The following MRPL48 variants were observed in gnomAD, a reference collection of about 807,000 sequenced individuals.
The protein encoded by MRPL48 is mitochondrial ribosomal protein L48.
Under a neutral mutation model 32.9 loss-of-function variants are expected in MRPL48, and 16 were observed. The observed-to-expected ratio is 0.49, with a 90% CI of 0.33 to 0.74. MRPL48 has a LOEUF of 0.74. MRPL48 is among the 30% of genes least tolerant of loss of function. The pLI is 0.02. For missense variants in MRPL48, 206 were observed against 245.3 expected (o/e 0.84, Z 1.07); for synonymous variants, 94 against 89.2 (o/e 1.05, Z -0.31).
chr11:73,817,502 A>G (rs1947698715), intron 3 of MRPL48, among the ~76,000 whole-genome samples: 1 of 152,210 alleles, frequency 6.6e-6, no homozygotes, highest in Admixed American at 6.6e-5. Flanking sequence ...ACTCATCAAC[A>G]TCGAGTATTA....
intron 6 of MRPL48, among the ~76,000 whole-genome samples, chr11:73,862,485 G>C (rs1392131208): frequency 6.6e-6 from 1 of 152,172 alleles, no homozygotes; most frequent in African/African-American, 2.4e-5. Flanking sequence ...TGTTATCTCA[G>C]CTGCTTGGGA....
chr11:73,863,053 T>G (rs1948610834), intron 6 of MRPL48, 119 bp from the exon 7 acceptor site: 1 of 848,942 alleles, frequency 1.2e-6, no homozygotes, highest in Admixed American at 2.4e-5. Context: ...GGTGTTAATC[T>G]TCCACGCTTG....
rs566630544 is a variant in MRPL48, at chr11:73,809,721, T to C, written c.112+1371T>C. Among the ~76,000 whole-genome samples, 18 of 152,326 alleles carry C rather than the reference T, an allele frequency of 1.2e-4. No individual in the cohort carries two copies. In the South Asian group the frequency reaches 3.7e-3, roughly 32 times the overall value. ...AATTACTTGCCATTTTTGCTTTGTC[T>C]ATTATGTGAGAAATTTCAATGGAGT... On this transcript the variant is annotated intron_variant, in intron 3 of 7. Transcript: ENST00000310614.
At chr11:73,853,494 C>T (rs1385906710) in intron 5 of MRPL48, among the ~76,000 whole-genome samples, 1 of 151,972 alleles carries the variant, frequency 6.6e-6, no homozygotes, top group African/African-American at 2.4e-5. Context: ...TTCTGAGCCT[C>T]AGTTTCCTCA....
At chr11:73,789,996 A>G (rs1412799259) in intron 1 of MRPL48, among the ~76,000 whole-genome samples, 1 of 151,698 alleles carries the variant, frequency 6.6e-6, no homozygotes, top group Non-Finnish European at 1.5e-5. Context: ...CCTGGGTTCA[A>G]GTGATTCTTT....
At chr11:73,790,963 G>T (rs1215115133) in intron 1 of MRPL48, among the ~76,000 whole-genome samples, 3 of 136,802 alleles carry the variant, frequency 2.2e-5, no homozygotes, top group Non-Finnish European at 4.5e-5. Context: ...TTGGTTCACT[G>T]CAGCCCCGAT....
In MRPL48 at chr11:73,860,113, A is replaced by G. The variant is rs182176315; in HGVS notation, c.474+104A>G. 3.7e-3 allele frequency: 3,613 copies of G among 966,434 alleles called. 11 individuals are homozygous for G. Among genetic ancestry groups the G allele is most frequent in the Non-Finnish European group, 5.1e-3 (3,363 of 659,208 alleles). 59.9% of individuals were successfully genotyped at this position (966,434 alleles called of 1,614,324 possible). A position where few individuals can be genotyped will look rare whatever the true frequency, so the allele number is the denominator to read the frequency against. On this transcript the variant is annotated intron_variant, in intron 6 of 7. Coordinates refer to ENST00000310614, the MANE Select transcript of MRPL48 (RefSeq NM_016055.6). ...GCTCTTTTCTTTTCTTTCTTGAATA[A>G]TAGTGTTCTCCAGGTTCAGTTCTTG... is the stretch of plus-strand genomic sequence containing the variant.
chr11:73,864,650 G>A lies in MRPL48; in HGVS notation c.*280G>A, dbSNP rs1463211755. Reference sequence around the variant, plus strand: ...GAGAGAAATTGGCCCATCCTGTGGAGTATCTTTAAGAGATTCTATATTCTG... The same window carrying A: ...GAGAGAAATTGGCCCATCCTGTGGAATATCTTTAAGAGATTCTATATTCTG... On this transcript the variant is annotated 3_prime_UTR_variant, in exon 8 of 8. Coordinates refer to ENST00000310614, the MANE Select transcript of MRPL48 (RefSeq NM_016055.6). The A allele has an allele frequency of 1.9e-5, 8 of 427,752 alleles. No homozygotes were observed. The highest frequency in any genetic ancestry group is 1.6e-4 in the African/African-American group (8 of 51,346). 26.5% of individuals were successfully genotyped at this position (427,752 alleles called of 1,614,324 possible). A position where few individuals can be genotyped will look rare whatever the true frequency, so the allele number is the denominator to read the frequency against.
At chr11:73,800,034 C>T (rs1230409032) in intron 1 of MRPL48, among the ~76,000 whole-genome samples, 5 of 152,098 alleles carry the variant, frequency 3.3e-5, no homozygotes, top group Non-Finnish European at 7.4e-5. Flanking sequence ...GGGCAATTTA[C>T]ATAAACTTTT....
rs76284387 is a variant in MRPL48 at position 73,810,572 on chromosome 11, T to A, written c.112+2222T>A. 3.5e-3 allele frequency among the ~76,000 whole-genome samples: 534 copies of A among 151,354 alleles called. 2 individuals carry two copies. Among genetic ancestry groups the A allele is most frequent in the African/African-American group, 7.6e-3 (312 of 41,226 alleles). On this transcript the variant is annotated intron_variant, in intron 3 of 7. Coordinates refer to ENST00000310614, the MANE Select transcript of MRPL48 (RefSeq NM_016055.6). ...TTTTCTTTCTTTATTTTTTTTTTTT[T>A]ATTGTAATTTAAGTTCTGGGTTACA... is the stretch of plus-strand genomic sequence containing the variant.
intron 1 of MRPL48, among the ~76,000 whole-genome samples, chr11:73,802,445 A>T (rs1304607413): frequency 6.6e-6 from 1 of 152,142 alleles, no homozygotes; most frequent in Non-Finnish European, 1.5e-5. Flanking sequence ...CCCAAAAAAA[A>T]ACTCCATACC....
At chr11:73,815,465 T>C (rs993226780) in intron 3 of MRPL48, among the ~76,000 whole-genome samples, 4 of 152,016 alleles carry the variant, frequency 2.6e-5, no homozygotes, top group African/African-American at 9.7e-5. Context: ...GTAACCTTTA[T>C]CATATTCTAA....
intron 5 of MRPL48, among the ~76,000 whole-genome samples, chr11:73,859,094 G>GTGTA (rs35931800): frequency 0.085 from 12,970 of 152,162 alleles, 649 homozygotes; most frequent in South Asian, 0.26. Context: ...GTATATGGAT[G>GTGTA]TGTAGGTCAG....
chr11:73,855,560 T>C (rs1948470159), intron 5 of MRPL48, among the ~76,000 whole-genome samples: 1 of 152,176 alleles, frequency 6.6e-6, no homozygotes, highest in South Asian at 2.1e-4. Flanking sequence ...CGATCTCGGC[T>C]CACTGCAACC....
chr11:73,847,070 G>A (rs190589892), intron 5 of MRPL48, among the ~76,000 whole-genome samples: 31 of 148,936 alleles, frequency 2.1e-4, no homozygotes, highest in African/African-American at 6.9e-4. Flanking sequence ...CTCCAATCTC[G>A]CCTCCAATTT....
intron 1 of MRPL48, among the ~76,000 whole-genome samples, chr11:73,798,082 A>G (rs185822805): frequency 1.3e-5 from 2 of 150,148 alleles, no homozygotes; most frequent in East Asian, 1.9e-4. Flanking sequence ...AACAAAAACA[A>G]TTTTTTTTTT....
chr11:73,847,771 G>A (rs938370108), intron 5 of MRPL48, among the ~76,000 whole-genome samples: 1 of 151,962 alleles, frequency 6.6e-6, no homozygotes, highest in Admixed American at 6.6e-5. Flanking sequence ...ATAGAGATGG[G>A]ATTTCACCAT....
chr11:73,826,507 C>A (rs1319575547), intron 4 of MRPL48, among the ~76,000 whole-genome samples: 1 of 151,982 alleles, frequency 6.6e-6, no homozygotes, highest in Non-Finnish European at 1.5e-5. Flanking sequence ...GAGATGGAGT[C>A]TCGCTCTGTT....
chr11:73,852,520 A>G (rs575862843), intron 5 of MRPL48, among the ~76,000 whole-genome samples: 1 of 152,266 alleles, frequency 6.6e-6, no homozygotes, highest in East Asian at 1.9e-4. Context: ...AACATCACTG[A>G]TCGTCAGAGA....
Sources: allele counts gnomAD v4.1 joint callset (sites outside exome capture counted in the v4.1 genomes callset), GRCh38; gene constraint gnomAD v4.1.1; transcripts MANE v1.5; gene names NCBI Gene and HGNC (gene_info 2026-07-23, HGNC 2026-07-21).